Variants in FYTTD1 observed in about 807,000 individuals in gnomAD.
FYTTD1 encodes the protein UAP56-interacting factor.
In FYTTD1, 22 loss-of-function variants were observed where a neutral mutation model predicts 40.9. That is an observed-to-expected ratio of 0.54 (90% CI 0.38 to 0.77). FYTTD1 has a LOEUF of 0.77. Ranked by LOEUF, FYTTD1 falls within the 30% of genes least tolerant of loss-of-function variation. FYTTD1 has a pLI of 0.00. For synonymous variants in FYTTD1, 140 were observed against 137.9 expected (o/e 1.01, Z -0.10); for missense variants, 351 against 392.2 (o/e 0.90, Z 0.89).
At chr3:197,752,218 C>T (rs1729080419) in intron 1 of FYTTD1, among the ~76,000 whole-genome samples, 1 of 152,186 alleles carries the variant, frequency 6.6e-6, no homozygotes, top group Non-Finnish European at 1.5e-5. Context: ...GAGGGTTGTA[C>T]TCCTAGTGAT....
At chr3:197,773,741 C>T (rs1043651473) in intron 5 of FYTTD1, among the ~76,000 whole-genome samples, 10 of 152,214 alleles carry the variant, frequency 6.6e-5, no homozygotes, top group African/African-American at 2.2e-4. Context: ...ATTTGCCACT[C>T]GTTCTCATGT....
rs1272405310 is a variant in FYTTD1 at position 197,783,275 on chromosome 3, C to T, written c.*1366C>T. On this transcript the variant is annotated 3_prime_UTR_variant, in exon 9 of 9. Coordinates refer to ENST00000241502, the MANE Select transcript of FYTTD1 (RefSeq NM_032288.7). The stretch of plus-strand genomic sequence containing the variant: ...TTTTGAAGCTTGACATTTTAGTTTG[C>T]CATTATGTTAAAAACATCTAAATAG... The T allele has an allele frequency of 1.3e-5, 2 of 152,528 alleles. No homozygotes were observed. Among genetic ancestry groups the T allele is most frequent in the African/African-American group, 4.8e-5 (2 of 41,396 alleles). The allele number at this position is 152,528 out of a possible 1,614,324, so 9.4% of individuals were successfully genotyped here.
chr3:197,770,437 T>G (rs536518496), intron 4 of FYTTD1, among the ~76,000 whole-genome samples, 193 bp downstream of exon 4: 1 of 152,376 alleles, frequency 6.6e-6, no homozygotes, highest in East Asian at 1.9e-4. Context: ...TTCTTACTGA[T>G]GAAGTTAACC....
At chr3:197,759,327 A>G (rs959250614) in intron 2 of FYTTD1, among the ~76,000 whole-genome samples, 5 of 152,128 alleles carry the variant, frequency 3.3e-5, no homozygotes, top group Admixed American at 1.3e-4. Flanking sequence ...ATTGTTCTTC[A>G]GTGGTAGAAT....
chr3:197,773,998 C>A, intron 5 of FYTTD1, 151 bp from the exon 6 acceptor site: 1 of 700,008 alleles, frequency 1.4e-6, no homozygotes, highest in South Asian at 1.7e-5. Context: ...CGCACACGCC[C>A]CACTGGGTTA....
intron 6 of FYTTD1, among the ~76,000 whole-genome samples, chr3:197,775,537 G>T (rs1198901721): frequency 5.3e-5 from 8 of 152,074 alleles, no homozygotes; most frequent in Admixed American, 4.6e-4. Flanking sequence ...AAAATCCTCA[G>T]ATACTCAAGT....
At chr3:197,775,959 A>G (rs906922984) in intron 6 of FYTTD1, among the ~76,000 whole-genome samples, 1 of 152,228 alleles carries the variant, frequency 6.6e-6, no homozygotes, top group Admixed American at 6.5e-5. Context: ...GTGAATATAA[A>G]GGAAGAGCTG....
intron 6 of FYTTD1, among the ~76,000 whole-genome samples, chr3:197,776,486 G>A (rs1369068644): frequency 6.7e-6 from 1 of 148,204 alleles, no homozygotes; most frequent in Non-Finnish European, 1.5e-5. Context: ...GCCTCCCAAA[G>A]TGCTGGGATT....
chr3:197,784,532 A>G lies in FYTTD1; in HGVS notation c.*2623A>G, dbSNP rs1730111147. 6.6e-6 allele frequency: 1 copy of G among 152,236 alleles called. No individual in the cohort carries two copies. 9.4% of individuals were successfully genotyped at this position (152,236 alleles called of 1,614,324 possible). ...GAATCCAGGCTGGGCACGGTGGCTC[A>G]TGCCTGTAATCCCAGAACTTGGGGA... On this transcript the variant is annotated 3_prime_UTR_variant, in exon 9 of 9. Coordinates refer to ENST00000241502, the MANE Select transcript of FYTTD1 (RefSeq NM_032288.7).
intron 1 of FYTTD1, among the ~76,000 whole-genome samples, chr3:197,753,300 C>T (rs1729117875): frequency 6.6e-6 from 1 of 152,166 alleles, no homozygotes; most frequent in Non-Finnish European, 1.5e-5. Context: ...TTACCAATAG[C>T]TGGCCTCATG....
chr3:197,775,408 C>T (rs1729847496), intron 6 of FYTTD1, among the ~76,000 whole-genome samples: 1 of 152,078 alleles, frequency 6.6e-6, no homozygotes, highest in South Asian at 2.1e-4. Context: ...GGAATTGTTG[C>T]CAGGCCCATT....
chr3:197,759,292 G>A (rs1409157054), intron 2 of FYTTD1, among the ~76,000 whole-genome samples: 2 of 151,678 alleles, frequency 1.3e-5, no homozygotes, highest in Admixed American at 6.6e-5. Context: ...CATATAGAGT[G>A]TTCTTCAGTG....
chr3:197,773,459 A>T lies in FYTTD1; in HGVS notation c.554A>T (p.Asp185Val). ...RSGNKLNHQKDTRQATFLFRR... is the reference protein window; with the variant it reads ...RSGNKLNHQKVTRQATFLFRR... ...GGAAATAAATTAAATCATCAGAAAG[A>T]TACTCGTCAGGCAACTTTTCTTTTC... Residue 185 changes from aspartate to valine, a missense_variant, in exon 5 of 9, where the codon GAT (aspartate) becomes GTT (valine). By Grantham distance (152) the Asp-to-Val change is radical. Transcript: ENST00000241502. 4 of 1,602,852 alleles carry T rather than the reference A, an allele frequency of 2.5e-6. No individual in the cohort carries two copies. Among genetic ancestry groups the T allele is most frequent in the Non-Finnish European group, 3.4e-6 (4 of 1,172,564 alleles).
intron 8 of FYTTD1, among the ~76,000 whole-genome samples, chr3:197,779,661 G>C (rs1173060864): frequency 6.6e-6 from 1 of 150,516 alleles, no homozygotes; most frequent in Non-Finnish European, 1.5e-5. Context: ...CAGCCTCCTG[G>C]GTAGCTGGGG....
rs1246425111 is a variant in FYTTD1, at chr3:197,764,874, G to A, written c.236-3565G>A. On this transcript the variant is annotated intron_variant, in intron 2 of 8. Coordinates refer to ENST00000241502, the MANE Select transcript of FYTTD1 (RefSeq NM_032288.7). Reference sequence around the variant, plus strand: ...CTTTTTTTTTTTGGGGGGGGAGGATGGAGTCTTGCCCTGTCACCCAGGCTG... The same window carrying A: ...CTTTTTTTTTTTGGGGGGGGAGGATAGAGTCTTGCCCTGTCACCCAGGCTG... Among the ~76,000 whole-genome samples, 4 of 150,970 alleles carry A rather than the reference G, an allele frequency of 2.6e-5. No homozygotes were observed. In the East Asian group the frequency reaches 7.8e-4, roughly 29 times the overall value.
chr3:197,764,936 C>T (rs768719470), intron 2 of FYTTD1, among the ~76,000 whole-genome samples: 3 of 151,286 alleles, frequency 2.0e-5, no homozygotes, highest in Admixed American at 6.6e-5. Context: ...TTGCAACCTC[C>T]GCCTCCCAGG....
At chr3:197,772,557 T>A (rs977792349) in intron 4 of FYTTD1, among the ~76,000 whole-genome samples, 4 of 152,220 alleles carry the variant, frequency 2.6e-5, no homozygotes, top group African/African-American at 4.8e-5. Flanking sequence ...ACAGTCATAA[T>A]TAAGAGCATT....
chr3:197,780,691 T>C (rs1730006485), intron 8 of FYTTD1, among the ~76,000 whole-genome samples: 1 of 151,684 alleles, frequency 6.6e-6, no homozygotes, highest in African/African-American at 2.4e-5. Context: ...TACAGGCATG[T>C]GCCACCACAC....
intron 2 of FYTTD1, among the ~76,000 whole-genome samples, chr3:197,757,780 C>T (rs1729252816): frequency 6.6e-6 from 1 of 152,162 alleles, no homozygotes; most frequent in Non-Finnish European, 1.5e-5. Context: ...GTACATATAA[C>T]TGAGATTGGG....
Sources: gnomAD v4.1 joint callset for allele counts (sites outside exome capture counted in the v4.1 genomes callset) on GRCh38, gnomAD v4.1.1 for gene constraint, MANE v1.5 for transcripts, NCBI Gene and HGNC (gene_info 2026-07-23, HGNC 2026-07-21) for gene names.